Variants in CLCN1 observed in about 807,000 individuals in gnomAD.
CLCN1 encodes the protein chloride voltage-gated channel 1.
CLCN1 carries 100 observed loss-of-function variants against 114.5 expected under a neutral mutation model. The ratio of observed to expected loss-of-function variants is 0.87; its 90% CI spans 0.74 to 1.03. The LOEUF (loss-of-function observed/expected upper bound fraction) is 1.03, where lower values mean the gene tolerates loss of function less well. Ranked by LOEUF, CLCN1 falls within the 50% of genes least tolerant of loss-of-function variation. CLCN1 has a pLI of 0.00. For missense variants in CLCN1, 1,188 were observed against 1,250.0 expected (o/e 0.95, Z 0.75); for synonymous variants, 485 against 487.1 (o/e 1.00, Z 0.06).
At chr7:143,340,529 C>T (rs761827617) in intron 14 of CLCN1, among the ~76,000 whole-genome samples, 2 of 151,990 alleles carry the variant, frequency 1.3e-5, no homozygotes, top group Non-Finnish European at 2.9e-5. Flanking sequence ...TCTCTCTTCT[C>T]CTTCTCCTTC....
chr7:143,323,422 T>G (rs1802497223), intron 6 of CLCN1, 36 bp downstream of exon 6: 16 of 1,444,456 alleles, frequency 1.1e-5, no homozygotes, highest in Non-Finnish European at 1.6e-5. Context: ...TGGGGCCAGG[T>G]GGTAGAAGGA....
intron 1 of CLCN1, 49 bp from the exon 2 acceptor site, chr7:143,319,701 ATTATT>A: frequency 1.3e-6 from 2 of 1,594,602 alleles, no homozygotes; most frequent in Non-Finnish European, 1.7e-6. Flanking sequence ...GCCTCTGTCT[ATTATT>A]TTTTTAGTCT....
intron 2 of CLCN1, 38 bp from the exon 3 acceptor site, chr7:143,320,626 T>C (rs745557113): frequency 6.5e-7 from 1 of 1,544,938 alleles, no homozygotes; most frequent in Non-Finnish European, 8.9e-7. Flanking sequence ...TGTTTGTTTG[T>C]TGTTTGTTTG....
rs879179363 is a variant in CLCN1 at position 143,321,612 on chromosome 7, A to G, written c.563-103A>G. ...GCTGCCTTGCCCCATCCTCCCCACC[A>G]CTGCCTCTTCAGCCCTCTCCAATTC... is the stretch of plus-strand genomic sequence containing the variant. On this transcript the variant is annotated intron_variant, in intron 4 of 22. Coordinates refer to ENST00000343257, the MANE Select transcript of CLCN1 (RefSeq NM_000083.3). The surrounding 1 kb of genome is among the most constrained non-coding windows in gnomAD (Gnocchi z 4.2). 6.2e-7 allele frequency: 1 copy of G among 1,602,168 alleles called. No homozygotes were observed. The highest frequency in any genetic ancestry group is 1.1e-5 in the South Asian group (1 of 90,760).
chr7:143,338,564 T>C (rs1236204775), intron 12 of CLCN1, among the ~76,000 whole-genome samples: 4 of 152,064 alleles, frequency 2.6e-5, no homozygotes, highest in Non-Finnish European at 2.9e-5. Context: ...GGCAGGCAGA[T>C]TGCCTGAGGT....
intron 1 of CLCN1, among the ~76,000 whole-genome samples, 183 bp downstream of exon 1, chr7:143,316,575 A>G (rs1390669006): frequency 6.6e-6 from 1 of 152,264 alleles, no homozygotes; most frequent in African/African-American, 2.4e-5. Context: ...TCACTTAAGT[A>G]TGCACTTAGA....
At position 143,342,033 on chromosome 7, in the gene CLCN1, G is replaced by A; in HGVS notation, c.1687G>A (p.Val563Ile). ...TCACATCCTGCCCATGATGGTGGCT[G>A]TTATCTTGGCCAACATGGTGGCCCA... ...IAHILPMMVA[V>I]ILANMVAQSL... Residue 563 changes from valine (V) to isoleucine (I), a missense_variant, in exon 15 of 23, where the codon GTT becomes ATT. Transcript: ENST00000343257. The A allele has an allele frequency of 6.2e-7, 1 of 1,614,180 alleles. No individual in the cohort carries two copies. The highest frequency in any genetic ancestry group is 1.6e-4 in the Middle Eastern group (1 of 6,062).
Position 143,339,423 on chromosome 7 carries a change from T to C in CLCN1, c.1472-88T>C. The C allele has an allele frequency of 2.2e-6, 3 of 1,377,136 alleles. No homozygotes were observed. Among genetic ancestry groups the C allele is most frequent in the Non-Finnish European group, 3.1e-6 (3 of 963,942 alleles). 85.3% of individuals were successfully genotyped at this position (1,377,136 alleles called of 1,614,324 possible). On this transcript the variant is annotated intron_variant, in intron 13 of 22. Transcript: ENST00000343257. The surrounding 1 kb of genome is among the most constrained non-coding windows in gnomAD (Gnocchi z 4.1). ...GGATGCTGGGAGTTTATATTTGTTC[T>C]TAATGCCCAAGGAGAGATTGGTTCT...
rs1482318587 is a variant in CLCN1 at position 143,339,188 on chromosome 7, G to A, written c.1402-65G>A. On this transcript the variant is annotated intron_variant, in intron 12 of 22. Coordinates refer to ENST00000343257, the MANE Select transcript of CLCN1 (RefSeq NM_000083.3). The surrounding 1 kb of genome is among the most constrained non-coding windows in gnomAD (Gnocchi z 4.1). ...TGCAGAAAGGAGGATAGTGGGAAGG[G>A]AATTGTGTGTGCATGTCTATTGGGC... 5 of 1,023,292 alleles carry A rather than the reference G, an allele frequency of 4.9e-6. No individual in the cohort carries two copies. In the East Asian group the frequency reaches 1.2e-4, roughly 24 times the overall value. 63.4% of individuals were successfully genotyped at this position (1,023,292 alleles called of 1,614,324 possible). A position where few individuals can be genotyped will look rare whatever the true frequency, so the allele number is the denominator to read the frequency against.
At position 143,321,916 on chromosome 7, in the gene CLCN1, G is replaced by A; in HGVS notation, c.696+68G>A. ...AGGAGCCAGGGTGGCACCAACTCTA[G>A]AGGGAGCTCTGGGAGTGGAAGTGGA... On this transcript the variant is annotated intron_variant, in intron 5 of 22. Transcript: ENST00000343257. This position sits in a 1 kb window ranked among gnomAD's most constrained non-coding sequence, Gnocchi z 4.2. 1.3e-6 allele frequency: 2 copies of A among 1,566,200 alleles called. No individual in the cohort carries two copies. The highest frequency in any genetic ancestry group is 2.3e-5 in the East Asian group (1 of 43,706).
rs746346988 is a variant in CLCN1 at position 143,342,127 on chromosome 7, G to T, written c.1781G>T (p.Gly594Val). The T allele has an allele frequency of 2.3e-5, 37 of 1,614,010 alleles. No individual in the cohort carries two copies. Among genetic ancestry groups the T allele is most frequent in the Non-Finnish European group, 2.8e-5 (33 of 1,180,002 alleles). The change falls in exon 15 of 23, where the codon GGC (glycine) becomes GTC (valine). Residue 594 changes from glycine (G) to valine (V), a missense_variant. Physicochemically the swap from Gly to Val is moderately radical, Grantham distance 109 (BLOSUM62 -3). Coordinates refer to ENST00000343257, the MANE Select transcript of CLCN1 (RefSeq NM_000083.3). Reference sequence around the variant, plus strand: ...AAGCTACCCTACTTGCCTGACCTTGGCTGGAACCAGCTCAGGTCAGGGGCA... The same window carrying T: ...AAGCTACCCTACTTGCCTGACCTTGTCTGGAACCAGCTCAGGTCAGGGGCA... ...VKKLPYLPDL[G>V]WNQLSKYTIF...
In CLCN1 at chr7:143,320,980, G is replaced by A. The variant is rs10282576; in HGVS notation, c.433+185G>A. 3.9e-3 allele frequency among the ~76,000 whole-genome samples: 593 copies of A among 152,198 alleles called. 5 individuals carry two copies. The highest frequency in any genetic ancestry group is 0.013 in the African/African-American group (559 of 41,546). ...GACCCAGGCCTGCTCCACTTCTCAC[G>A]CCCCTCCACTCACTGCCACCCAAGC... On this transcript the variant is annotated intron_variant, in intron 3 of 22. Coordinates refer to ENST00000343257, the MANE Select transcript of CLCN1 (RefSeq NM_000083.3).
Position 143,350,404 on chromosome 7 carries a change from GC to G in CLCN1, c.2438del (p.Pro813LeufsTer39). On this transcript the variant is annotated frameshift_variant, in exon 21 of 23. Coordinates refer to ENST00000343257, the MANE Select transcript of CLCN1 (RefSeq NM_000083.3). LOFTEE classifies it high-confidence loss of function. The surrounding 1 kb of genome is among the most constrained non-coding windows in gnomAD (Gnocchi z 5.1). ...EAWEQEQLSQ[P>X]VCFDSCCIDQ... is the part of the protein sequence containing the mutation. ...CCTGGGAGCAGGAGCAGCTGAGCCA[GC>G]CTGTCTGTTTTGATTCCTGCTGTAT... is the stretch of plus-strand genomic sequence containing the variant. 1 of 1,614,210 alleles carries G rather than the reference GC, an allele frequency of 6.2e-7. No individual in the cohort carries two copies. Among genetic ancestry groups the G allele is most frequent in the Non-Finnish European group, 8.5e-7 (1 of 1,180,022 alleles).
At chr7:143,332,545 C>T (rs1204033321) in intron 11 of CLCN1, 42 bp downstream of exon 11, 3 of 1,545,582 alleles carry the variant, frequency 1.9e-6, no homozygotes, top group Admixed American at 1.7e-5. Context: ...GGAAACAGCA[C>T]AGATATACCT....
In CLCN1 at chr7:143,331,224, T is replaced by C; in HGVS notation, c.980-8T>C. 1.2e-6 allele frequency: 2 copies of C among 1,602,270 alleles called. No homozygotes were observed. Among genetic ancestry groups the C allele is most frequent in the Non-Finnish European group, 1.7e-6 (2 of 1,169,170 alleles). On this transcript the variant is annotated splice_region_variant and splice_polypyrimidine_tract_variant and intron_variant, in intron 8 of 22. Coordinates refer to ENST00000343257, the MANE Select transcript of CLCN1 (RefSeq NM_000083.3). ...TCCCATCGTAATACTGGCCTTTCCA[T>C]CCTACAGTCACCATCACTGCTCTGT...
At chr7:143,317,993 G>A (rs1323582521) in intron 1 of CLCN1, among the ~76,000 whole-genome samples, 1 of 152,038 alleles carries the variant, frequency 6.6e-6, no homozygotes, top group Admixed American at 6.6e-5. Flanking sequence ...GTTAGTTTGG[G>A]GAGTAGAATT....
intron 16 of CLCN1, among the ~76,000 whole-genome samples, chr7:143,344,490 T>C (rs749130335): frequency 5.3e-5 from 8 of 152,198 alleles, no homozygotes; most frequent in Non-Finnish European, 7.3e-5. Flanking sequence ...ATTAAATTAA[T>C]TCAAATATTT....
chr7:143,345,526 A>G lies in CLCN1; in HGVS notation c.1936A>G (p.Met646Val), dbSNP rs1156766492. ...AGGGCGTGGGTTTCCCTCAGATTCAATGATCCTGCTGGGCTCGGTGGAGCG... is the reference window on the plus strand; with the variant it reads ...AGGGCGTGGGTTTCCCTCAGATTCAGTGATCCTGCTGGGCTCGGTGGAGCG... ...TLPLVDSKDS[M>V]ILLGSVERSE... is the part of the protein sequence containing the mutation. Residue 646 changes from methionine to valine, a missense_variant, in exon 17 of 23, where the codon ATG becomes GTG. Physicochemically the swap from Met to Val is conservative, Grantham distance 21 (BLOSUM62 1). Transcript: ENST00000343257. 13 of 1,534,640 alleles carry G rather than the reference A, an allele frequency of 8.5e-6. No individual in the cohort carries two copies. Among genetic ancestry groups the G allele is most frequent in the South Asian group, 1.2e-5 (1 of 83,448 alleles).
chr7:143,340,705 G>T (rs1256079674), intron 14 of CLCN1, among the ~76,000 whole-genome samples: 3 of 152,078 alleles, frequency 2.0e-5, no homozygotes, highest in Admixed American at 1.3e-4. Context: ...GCTAATTTTT[G>T]TAATTTTAGT....
Sources: gnomAD v4.1 joint callset for allele counts (sites outside exome capture counted in the v4.1 genomes callset) on GRCh38, gnomAD v4.1.1 for gene constraint, Gnocchi (gnomAD v3.1) non-coding constraint, MANE v1.5 for transcripts, NCBI Gene and HGNC (gene_info 2026-07-23, HGNC 2026-07-21) for gene names.